CCSER1: variants seen among roughly 807,000 people sequenced by gnomAD.
The protein encoded by CCSER1 is serine-rich coiled-coil domain-containing protein 1.
In CCSER1, 41 loss-of-function variants were observed where a neutral mutation model predicts 82.0. The observed-to-expected ratio is 0.50, with a 90% confidence interval of 0.39 to 0.65. The LOEUF is 0.65. CCSER1 is among the 30% of genes least tolerant of loss of function. CCSER1 has a pLI of 0.00. For synonymous variants in CCSER1, 414 were observed against 383.9 expected, an observed-to-expected ratio of 1.08 and a Z score of -0.92; for missense variants, 1,119 against 1,064.2, an observed-to-expected ratio of 1.05 and a Z score of -0.72.
chr4:90,845,312 A>G (rs1241065107), intron 8 of CCSER1, among the ~76,000 whole-genome samples: 4 of 149,214 alleles, frequency 2.7e-5, no homozygotes, highest in Non-Finnish European at 5.9e-5. Context: ...CAGTGAACCT[A>G]GATGGTGCCA....
At chr4:90,622,044 A>G (rs909038572) in intron 5 of CCSER1, among the ~76,000 whole-genome samples, 12 of 152,234 alleles carry the variant, frequency 7.9e-5, no homozygotes, top group African/African-American at 2.9e-4. Context: ...ATGTTTTAAA[A>G]TAAATGTGGT....
Position 90,852,119 on chromosome 4 carries a change from AT to A in CCSER1, c.2094+36275del, listed in dbSNP as rs1763959344. ...TACATAATAAAGAGAAGTCAAAAAA[AT>A]ATAGGAATAGCAGATATAAGGAACA... On this transcript the variant is annotated intron_variant, in intron 8 of 10. Transcript: ENST00000509176. Among the ~76,000 whole-genome samples, 2 of 151,708 alleles carry A rather than the reference AT, an allele frequency of 1.3e-5. 1 individual carries two copies. The highest frequency in any genetic ancestry group is 1.3e-4 in the Admixed American group (2 of 15,200).
intron 1 of CCSER1, among the ~76,000 whole-genome samples, chr4:90,233,895 G>T (rs1223017306): frequency 6.6e-6 from 1 of 151,972 alleles, no homozygotes; most frequent in African/African-American, 2.4e-5. Flanking sequence ...TCATTTATTG[G>T]ACACAATTAA....
At chr4:91,429,351 C>CT (rs910125813) in intron 10 of CCSER1, among the ~76,000 whole-genome samples, 1 of 151,822 alleles carries the variant, frequency 6.6e-6, no homozygotes, top group African/African-American at 2.4e-5. Context: ...GAACAATAAT[C>CT]TTTTTTAAAG....
chr4:91,360,759 T>G (rs1749195515), intron 10 of CCSER1, among the ~76,000 whole-genome samples: 1 of 151,846 alleles, frequency 6.6e-6, no homozygotes, highest in Admixed American at 6.6e-5. Context: ...ATTTGACACA[T>G]TTTTTCCAAC....
chr4:91,405,032 G>A (rs551546393), intron 10 of CCSER1, among the ~76,000 whole-genome samples: 2 of 152,266 alleles, frequency 1.3e-5, no homozygotes, highest in African/African-American at 4.8e-5. Context: ...GGGAGTGTAA[G>A]TCTCTTTGTA....
At chr4:90,603,669 T>A (rs192817967) in intron 5 of CCSER1, among the ~76,000 whole-genome samples, 22 of 152,336 alleles carry the variant, frequency 1.4e-4, no homozygotes, top group African/African-American at 5.1e-4. Flanking sequence ...TTTTGGCACA[T>A]GTGGGAGGAT....
chr4:91,297,922 A>G (rs1042174384), intron 10 of CCSER1, among the ~76,000 whole-genome samples: 1 of 152,054 alleles, frequency 6.6e-6, no homozygotes, highest in Non-Finnish European at 1.5e-5. Flanking sequence ...AAAGACGTGC[A>G]TGAGAATTGC....
chr4:91,005,395 AC>A (rs1738412210), intron 9 of CCSER1, among the ~76,000 whole-genome samples: 10 of 140,470 alleles, frequency 7.1e-5, no homozygotes, highest in African/African-American at 3.0e-4. Context: ...AATTTTACAC[AC>A]ACACACACAC....
chr4:90,404,269 T>A (rs74737033), intron 4 of CCSER1: 13,746 of 152,114 alleles, frequency 0.09, 1,191 homozygotes, highest in African/African-American at 0.23. Flanking sequence ...ACTCCACTGG[T>A]CTGGGAACCA....
At chr4:91,342,210 A>G (rs915664740) in intron 10 of CCSER1, among the ~76,000 whole-genome samples, 1 of 152,228 alleles carries the variant, frequency 6.6e-6, no homozygotes, top group Non-Finnish European at 1.5e-5. Flanking sequence ...TAGATGAAGA[A>G]GGCCAAAACC....
chr4:90,670,181 G>A (rs1732540017), intron 6 of CCSER1, among the ~76,000 whole-genome samples: 1 of 152,092 alleles, frequency 6.6e-6, no homozygotes, highest in African/African-American at 2.4e-5. Flanking sequence ...GAATACTAAA[G>A]ATGCCAAGTT....
At chr4:90,815,628 T>C (rs1160096962) in intron 7 of CCSER1, 134 bp from the exon 8 acceptor site, 1 of 574,490 alleles carries the variant, frequency 1.7e-6, no homozygotes. Flanking sequence ...TTATGAAAAA[T>C]ATCATACTAT....
intron 6 of CCSER1, among the ~76,000 whole-genome samples, chr4:90,664,672 G>A (rs111943986): frequency 2.5e-4 from 38 of 152,118 alleles, no homozygotes; most frequent in African/African-American, 8.5e-4. Flanking sequence ...AGGCCAAGGC[G>A]GGTGGATCAC....
intron 10 of CCSER1, among the ~76,000 whole-genome samples, chr4:91,374,553 A>G (rs1750266595): frequency 6.6e-6 from 1 of 152,212 alleles, no homozygotes; most frequent in Non-Finnish European, 1.5e-5. Flanking sequence ...CTTTCAAATT[A>G]TTACTACTCA....
intron 10 of CCSER1, among the ~76,000 whole-genome samples, chr4:91,387,235 A>G (rs574726131): frequency 6.6e-6 from 1 of 152,118 alleles, no homozygotes; most frequent in East Asian, 1.9e-4. Flanking sequence ...ACATACCTTT[A>G]TAAAGAGAGA....
intron 5 of CCSER1, among the ~76,000 whole-genome samples, chr4:90,623,376 G>A (rs960609287): frequency 1.3e-5 from 2 of 151,934 alleles, no homozygotes; most frequent in Non-Finnish European, 2.9e-5. Context: ...AACATCATAT[G>A]CAAAGGCCCT....
At chr4:91,419,929 C>T (rs927962520) in intron 10 of CCSER1, among the ~76,000 whole-genome samples, 8 of 151,960 alleles carry the variant, frequency 5.3e-5, no homozygotes, top group Admixed American at 2.6e-4. Context: ...TTGACAAGAG[C>T]ACCAAGAATA....
intron 9 of CCSER1, among the ~76,000 whole-genome samples, chr4:91,014,351 C>T (rs931356742): frequency 7.4e-6 from 1 of 134,550 alleles, no homozygotes; most frequent in Admixed American, 7.4e-5. Context: ...GCCTAAGGGC[C>T]ATCAGCTTTT....
Sources: gnomAD v4.1 joint callset for allele counts (sites outside exome capture counted in the v4.1 genomes callset) on GRCh38, gnomAD v4.1.1 for gene constraint, MANE v1.5 for transcripts, NCBI Gene and HGNC (gene_info 2026-07-23, HGNC 2026-07-21) for gene names.